Variants in TGFA observed in about 807,000 individuals in gnomAD.
TGFA encodes the protein transforming growth factor alpha.
Under a neutral mutation model 21.7 loss-of-function variants are expected in TGFA, and 12 were observed. The observed-to-expected ratio is 0.55, with a 90% CI of 0.35 to 0.90. The LOEUF (loss-of-function observed/expected upper bound fraction) is 0.90, where lower values mean the gene tolerates loss of function less well. TGFA is among the 40% of genes least tolerant of loss of function. TGFA has a pLI of 0.01. For synonymous variants in TGFA, 79 were observed against 88.1 expected (o/e 0.90, Z 0.58); for missense variants, 178 against 210.8 (o/e 0.84, Z 0.96).
chr2:70,546,791 G>C (rs1673319986), intron 1 of TGFA, among the ~76,000 whole-genome samples: 1 of 152,160 alleles, frequency 6.6e-6, no homozygotes, highest in Non-Finnish European at 1.5e-5. Context: ...CTGGGCTCAA[G>C]TGATCTGCCT....
At chr2:70,551,744 T>C (rs540495773) in intron 1 of TGFA, among the ~76,000 whole-genome samples, 3 of 152,324 alleles carry the variant, frequency 2.0e-5, no homozygotes, top group African/African-American at 7.2e-5. Flanking sequence ...GCTCACATTT[T>C]GGAACTGTGT....
At chr2:70,502,294 C>A (rs180856480) in intron 2 of TGFA, among the ~76,000 whole-genome samples, 101 of 152,318 alleles carry the variant, frequency 6.6e-4, no homozygotes, top group African/African-American at 2.3e-3. Context: ...GACCCTACTT[C>A]CCAACAGCCA....
chr2:70,503,187 A>G (rs1469545983), intron 2 of TGFA, among the ~76,000 whole-genome samples: 5 of 152,178 alleles, frequency 3.3e-5, no homozygotes, highest in African/African-American at 9.7e-5. Context: ...ATGTCCAACA[A>G]TGATAGACTG....
In TGFA at chr2:70,450,673, G is replaced by A. The variant is rs985491875; in HGVS notation, c.*186C>T. ...GCTGATTTCTTCTCTAGGTCACACTGAATAACCCCAAGCAGACGGAGTTCT... is the reference window on the plus strand; with the variant it reads ...GCTGATTTCTTCTCTAGGTCACACTAAATAACCCCAAGCAGACGGAGTTCT... On this transcript the variant is annotated 3_prime_UTR_variant, in exon 6 of 6. Transcript: ENST00000295400. 7.9e-6 allele frequency: 5 copies of A among 632,142 alleles called. No individual in the cohort carries two copies. The highest frequency in any genetic ancestry group is 1.4e-5 in the Non-Finnish European group (5 of 354,322). 39.2% of individuals were successfully genotyped at this position (632,142 alleles called of 1,614,324 possible).
chr2:70,536,390 G>T (rs1031087056), intron 1 of TGFA, among the ~76,000 whole-genome samples: 19 of 152,204 alleles, frequency 1.2e-4, no homozygotes, highest in Admixed American at 1.2e-3. Flanking sequence ...GGCAACAGCA[G>T]AATACACATT....
intron 5 of TGFA, among the ~76,000 whole-genome samples, chr2:70,452,282 G>A (rs563475317): frequency 1.8e-4 from 27 of 152,234 alleles, no homozygotes; most frequent in Admixed American, 5.9e-4. Context: ...AAAGCTGGCC[G>A]GTGTGAGACT....
chr2:70,527,645 T>G (rs1553503121), intron 1 of TGFA, among the ~76,000 whole-genome samples: 1 of 152,250 alleles, frequency 6.6e-6, no homozygotes, highest in African/African-American at 2.4e-5. Flanking sequence ...TAGTTAATAA[T>G]GTACCAAAAT....
At position 70,553,812 on chromosome 2, in the gene TGFA, C is replaced by CT; in HGVS notation, c.-46dup. The CT allele has an allele frequency of 8.0e-7, 1 of 1,251,336 alleles. No individual in the cohort carries two copies. Among genetic ancestry groups the CT allele is most frequent in the African/African-American group, 1.5e-5 (1 of 64,690 alleles). The allele number at this position is 1,251,336 out of a possible 1,614,324, so 77.5% of individuals were successfully genotyped here. A position where few individuals can be genotyped will look rare whatever the true frequency, so the allele number is the denominator to read the frequency against. ...CAGGCTCTCCAGCCTCCTGCCCTAC[C>CT]TGCGGTGCCCGAGTGGCGGAGCGGC... On this transcript the variant is annotated 5_prime_UTR_variant, in exon 1 of 6. Transcript: ENST00000295400.
chr2:70,514,492 G>A (rs1386114076), intron 2 of TGFA, among the ~76,000 whole-genome samples: 1 of 151,364 alleles, frequency 6.6e-6, no homozygotes, highest in African/African-American at 2.4e-5. Flanking sequence ...GGTCACCGAT[G>A]AGGGTTCAGA....
chr2:70,474,964 G>A (rs1021553139), intron 2 of TGFA, among the ~76,000 whole-genome samples: 19 of 125,984 alleles, frequency 1.5e-4, no homozygotes, highest in Middle Eastern at 3.8e-3. Context: ...TGATAACACA[G>A]CAGCCGTGTG....
At chr2:70,506,988 T>C (rs533593605) in intron 2 of TGFA, among the ~76,000 whole-genome samples, 1 of 152,342 alleles carries the variant, frequency 6.6e-6, no homozygotes, top group Admixed American at 6.5e-5. Context: ...TTTGGATGAA[T>C]ATTCCCAGAC....
chr2:70,522,868 G>A (rs560633558), intron 1 of TGFA, among the ~76,000 whole-genome samples: 8 of 152,242 alleles, frequency 5.3e-5, no homozygotes, highest in East Asian at 1.9e-4. Flanking sequence ...CACCATTAGC[G>A]GGACATTGTC....
chr2:70,490,594 G>A (rs1358766607), intron 2 of TGFA, among the ~76,000 whole-genome samples: 1 of 152,186 alleles, frequency 6.6e-6, no homozygotes, highest in Non-Finnish European at 1.5e-5. Flanking sequence ...CGCTTAGAAA[G>A]GAGGTTTTGT....
intron 2 of TGFA, among the ~76,000 whole-genome samples, chr2:70,494,067 A>T (rs185716847): frequency 1.3e-5 from 2 of 152,158 alleles, no homozygotes; most frequent in Non-Finnish European, 2.9e-5. Flanking sequence ...CCCTCTGGAG[A>T]TTGTAGGGGA....
chr2:70,494,853 T>G (rs3849384), intron 2 of TGFA, among the ~76,000 whole-genome samples: 103,929 of 152,096 alleles, frequency 0.68, 36,289 homozygotes, highest in African/African-American at 0.82. Flanking sequence ...GTGTGTGAGT[T>G]TATTTTACAT....
chr2:70,537,403 T>C (rs1435348601), intron 1 of TGFA, among the ~76,000 whole-genome samples: 1 of 152,230 alleles, frequency 6.6e-6, no homozygotes, highest in African/African-American at 2.4e-5. Flanking sequence ...TAGAAATGAT[T>C]GCACTTAGTG....
chr2:70,472,853 G>A (rs1213943050), intron 2 of TGFA, among the ~76,000 whole-genome samples: 1 of 152,202 alleles, frequency 6.6e-6, no homozygotes, highest in Admixed American at 6.5e-5. Flanking sequence ...CAGATATCAT[G>A]GCTAACTTTC....
At chr2:70,547,699 ATAAG>A (rs1479531799) in intron 1 of TGFA, among the ~76,000 whole-genome samples, 1 of 148,490 alleles carries the variant, frequency 6.7e-6, no homozygotes, top group Non-Finnish European at 1.5e-5. Context: ...TAAAAATAGA[ATAAG>A]TATAGATAGT....
chr2:70,525,972 C>T (rs1672621553), intron 1 of TGFA, among the ~76,000 whole-genome samples: 1 of 152,132 alleles, frequency 6.6e-6, no homozygotes, highest in Admixed American at 6.5e-5. Flanking sequence ...TTCTGGGCCC[C>T]AACAGAGAAA....
Sources: gnomAD v4.1 joint callset for allele counts (sites outside exome capture counted in the v4.1 genomes callset) on GRCh38, gnomAD v4.1.1 for gene constraint, MANE v1.5 for transcripts, NCBI Gene and HGNC (gene_info 2026-07-23, HGNC 2026-07-21) for gene names.